The following GSE1 variants were observed in gnomAD, a reference collection of about 807,000 sequenced individuals.
The protein encoded by GSE1 is Gse1 coiled-coil protein, also known as genetic suppressor element 1.
GSE1 carries 32 observed loss-of-function variants against 112.6 expected under a neutral mutation model. The observed-to-expected ratio is 0.28, with a 90% confidence interval of 0.21 to 0.38. The LOEUF (loss-of-function observed/expected upper bound fraction) is 0.38. Among genes scored for constraint, GSE1 ranks in the 10% least tolerant of loss-of-function variants. GSE1 has a pLI of 1.00. For synonymous variants in GSE1, 1,115 were observed against 735.6 expected (o/e 1.52, Z -8.35); for missense variants, 2,348 against 1,699.2 (o/e 1.38, Z -6.71).
intron 2 of GSE1, among the ~76,000 whole-genome samples, chr16:85,366,536 T>A (rs1189054151): frequency 3.9e-5 from 6 of 152,250 alleles, no homozygotes; most frequent in African/African-American, 1.4e-4. Flanking sequence ...CCTGAGAGGC[T>A]CTTTCCTTGT....
intron 1 of GSE1, among the ~76,000 whole-genome samples, chr16:85,590,978 C>G (rs1236548157): frequency 6.6e-6 from 1 of 152,210 alleles, no homozygotes; most frequent in Non-Finnish European, 1.5e-5. Flanking sequence ...CAGGGACAGC[C>G]CACAGCTGTG....
At chr16:85,596,292 T>A (rs930530399) in intron 1 of GSE1, among the ~76,000 whole-genome samples, 2 of 152,088 alleles carry the variant, frequency 1.3e-5, no homozygotes, top group South Asian at 4.1e-4. Context: ...ATCACTGACT[T>A]GGGAAATGAA....
At chr16:85,421,255 G>A (rs2048837828) in intron 2 of GSE1, among the ~76,000 whole-genome samples, 1 of 147,508 alleles carries the variant, frequency 6.8e-6, no homozygotes, top group Admixed American at 6.7e-5. Flanking sequence ...CAAGACTGGG[G>A]TCCCTGGGGG....
intron 2 of GSE1, among the ~76,000 whole-genome samples, chr16:85,435,367 C>T (rs2049222045): frequency 6.6e-6 from 1 of 152,002 alleles, no homozygotes; most frequent in Non-Finnish European, 1.5e-5. Context: ...GGAGGAGCAG[C>T]CTTCCAGGGG....
chr16:85,515,227 C>T (rs548640260), intron 2 of GSE1, among the ~76,000 whole-genome samples: 2 of 152,292 alleles, frequency 1.3e-5, no homozygotes, highest in South Asian at 2.1e-4. Flanking sequence ...TGCGGGCACC[C>T]GCCTCACCTC....
chr16:85,669,554 A>G (rs1285685883), intron 14 of GSE1, among the ~76,000 whole-genome samples: 5 of 152,066 alleles, frequency 3.3e-5, no homozygotes, highest in African/African-American at 4.8e-5. Context: ...CACCCCCTAC[A>G]TGTTGCCATT....
chr16:85,618,210 A>AGG (rs201999105), intron 1 of GSE1, among the ~76,000 whole-genome samples: 1 of 151,964 alleles, frequency 6.6e-6, no homozygotes, highest in African/African-American at 2.4e-5. Flanking sequence ...AGGTGGCGTG[A>AGG]GGGGGGTGCG....
intron 1 of GSE1, among the ~76,000 whole-genome samples, chr16:85,556,632 GGGAGCCGGCTCCGCCGCGGCGGC>G (rs769283139): frequency 5.6e-4 from 85 of 150,874 alleles, no homozygotes; most frequent in Middle Eastern, 6.9e-3. Flanking sequence ...TTTGTCTGCC[GGGAGCCGGCTCCGCCGCGGCGGC>G]GGAGCGAGCG....
intron 2 of GSE1, among the ~76,000 whole-genome samples, chr16:85,517,580 C>T (rs1242537946): frequency 1.4e-5 from 2 of 147,832 alleles, no homozygotes; most frequent in East Asian, 1.9e-4. Context: ...CCCCACCAAC[C>T]GGCCCCTGAA....
chr16:85,649,579 C>T (rs2051163072), intron 3 of GSE1, among the ~76,000 whole-genome samples: 1 of 152,150 alleles, frequency 6.6e-6, no homozygotes, highest in African/African-American at 2.4e-5. Flanking sequence ...GGGAGCTGCT[C>T]TTCTGCCGCT....
intron 2 of GSE1, among the ~76,000 whole-genome samples, chr16:85,433,318 A>T (rs2049165337): frequency 6.6e-6 from 1 of 152,138 alleles, no homozygotes; most frequent in African/African-American, 2.4e-5. Flanking sequence ...AGGTTAAGTC[A>T]CCTGGGTCCA....
chr16:85,495,174 T>G (rs1400505741), intron 2 of GSE1, among the ~76,000 whole-genome samples: 2 of 152,220 alleles, frequency 1.3e-5, no homozygotes, highest in African/African-American at 4.8e-5. Context: ...TCAGGATGGC[T>G]GGGCCTGTTC....
chr16:85,634,778 C>G (rs929685598), intron 2 of GSE1, among the ~76,000 whole-genome samples: 2 of 152,174 alleles, frequency 1.3e-5, no homozygotes, highest in African/African-American at 4.8e-5. Context: ...CAGTGAGGCT[C>G]TAAAGACGCC....
intron 2 of GSE1, among the ~76,000 whole-genome samples, chr16:85,404,977 G>A (rs796409210): frequency 2.2e-4 from 5 of 22,774 alleles, no homozygotes; most frequent in Non-Finnish European, 3.5e-4. Flanking sequence ...AATCCTCACT[G>A]TTACACTCAG....
intron 2 of GSE1, among the ~76,000 whole-genome samples, chr16:85,642,588 C>T (rs530653846): frequency 4.6e-5 from 7 of 152,322 alleles, no homozygotes; most frequent in South Asian, 4.1e-4. Flanking sequence ...CTGTGGACAC[C>T]GGAGCCGTCC....
rs3060243 is a variant in GSE1, at chr16:85,673,478, C to CAAAAAAA, written c.*949_*955dup. 1 of 107,868 alleles carries CAAAAAAA rather than the reference C, an allele frequency of 9.3e-6. No homozygotes were observed. The highest frequency in any genetic ancestry group is 1.9e-5 in the Non-Finnish European group (1 of 51,514). 6.7% of individuals were successfully genotyped at this position (107,868 alleles called of 1,614,324 possible). A position where few individuals can be genotyped will look rare whatever the true frequency, so the allele number is the denominator to read the frequency against. On this transcript the variant is annotated 3_prime_UTR_variant, in exon 16 of 16. Transcript: ENST00000253458. ...GTTTGTTGTTTTGGTTTTTTTTGGG[C>CAAAAAAA]AAAAAAAAAAAAAAAACCTTGCTTT...
chr16:85,314,071 CAT>C (rs749765957), intron 1 of GSE1, among the ~76,000 whole-genome samples: 18 of 151,330 alleles, frequency 1.2e-4, no homozygotes, highest in African/African-American at 1.7e-4. Context: ...GTGTATAAGA[CAT>C]AGCCATTTGT....
rs1452168527 is a variant in GSE1, at chr16:85,656,637, C to T, written c.1284C>T (p.Pro428=). The T allele has an allele frequency of 1.3e-6, 2 of 1,533,510 alleles. No homozygotes were observed. The highest frequency in any genetic ancestry group is 1.8e-6 in the Non-Finnish European group (2 of 1,138,684). The allele number at this position is 1,533,510 out of a possible 1,614,324, so 95.0% of individuals were successfully genotyped here. ...ATGCCACTGAGGAGCGGGGCAAGCC[C>T]TCGGAGCAGCTGACCCCAACCCGAG... ...RGHATEERGK[P]SEQLTPTRAE... is the part of the protein sequence containing the mutation. Residue 428 remains proline (P), a synonymous_variant, in exon 7 of 16, where the codon CCC becomes CCT. Transcript: ENST00000253458.
intron 1 of GSE1, among the ~76,000 whole-genome samples, chr16:85,273,914 C>G (rs951197720): frequency 7.5e-5 from 11 of 146,636 alleles, no homozygotes; most frequent in African/African-American, 2.3e-4. Flanking sequence ...CCAGGCTGGT[C>G]TCGAACTCCT....
Sources: gnomAD v4.1 joint callset for allele counts (sites outside exome capture counted in the v4.1 genomes callset) on GRCh38, gnomAD v4.1.1 for gene constraint, MANE v1.5 for transcripts, NCBI Gene and HGNC (gene_info 2026-07-23, HGNC 2026-07-21) for gene names.